NOP2: variants seen among roughly 807,000 people sequenced by gnomAD.
NOP2 encodes the protein 28S rRNA (cytosine(4447)-C(5))-methyltransferase.
In NOP2, 7 loss-of-function variants were observed where a neutral mutation model predicts 72.7. That is an observed-to-expected ratio of 0.10 (90% CI 0.05 to 0.18). NOP2 has a LOEUF of 0.18. NOP2 is among the 10% of genes least tolerant of loss of function. The probability of loss-of-function intolerance (pLI) is 1.00; values close to 1 mark genes in which losing one functional copy is unlikely to be tolerated. For missense variants in NOP2, 954 were observed against 1,014.7 expected, an observed-to-expected ratio of 0.94 and a Z score of 0.81; for synonymous variants, 387 against 388.0, an observed-to-expected ratio of 1.00 and a Z score of 0.03.
intron 5 of NOP2, 47 bp downstream of exon 5, chr12:6,566,054 T>C (rs1947770855): frequency 6.7e-7 from 1 of 1,481,560 alleles, no homozygotes; most frequent in Non-Finnish European, 9.3e-7. Flanking sequence ...GGAAAGAAAC[T>C]AAATAGCAAG....
At position 6,563,406 on chromosome 12, in the gene NOP2, T is replaced by G; in HGVS notation, c.797A>C (p.Tyr266Ser). ...CAGATCCTTCTTGAGCCGGTTCAGG[T>G]ATTCAGAACGAGACCGCCCTTCCTC... ...QREEGRSRSE[Y>S]LNRLKKDLAI... is the part of the protein sequence containing the mutation. Residue 266 changes from tyrosine to serine, a missense_variant, in exon 8 of 16, where the codon TAC (tyrosine) becomes TCC (serine). Coordinates refer to ENST00000322166, the MANE Select transcript of NOP2 (RefSeq NM_001258308.2). The G allele has an allele frequency of 6.2e-7, 1 of 1,607,302 alleles. No homozygotes were observed. Among genetic ancestry groups the G allele is most frequent in the South Asian group, 1.1e-5 (1 of 89,592 alleles).
chr12:6,560,054 G>A lies in NOP2; in HGVS notation c.1789+44C>T, dbSNP rs1947603071. The A allele has an allele frequency of 6.9e-7, 1 of 1,441,400 alleles. No homozygotes were observed. The highest frequency in any genetic ancestry group is 1.4e-5 in the African/African-American group (1 of 71,236). The allele number at this position is 1,441,400 out of a possible 1,614,324, so 89.3% of individuals were successfully genotyped here. On this transcript the variant is annotated intron_variant, in intron 15 of 15. Transcript: ENST00000322166. This position sits in a 1 kb window ranked among gnomAD's most constrained non-coding sequence, Gnocchi z 5.0. ...ACACCATAAAGCCTCCTGAAAGGTG[G>A]AAAGAGCAAAGGTGGTGACGAAGGG...
At chr12:6,562,628 C>T (rs1947679524) in intron 9 of NOP2, among the ~76,000 whole-genome samples, 1 of 152,196 alleles carries the variant, frequency 6.6e-6, no homozygotes, top group South Asian at 2.1e-4. Flanking sequence ...GGTTATACCA[C>T]ATTACATTAT....
intron 5 of NOP2, among the ~76,000 whole-genome samples, chr12:6,564,743 T>G (rs1947735664): frequency 6.6e-6 from 1 of 151,916 alleles, no homozygotes; most frequent in African/African-American, 2.4e-5. Flanking sequence ...TTGTCGTTTT[T>G]TTTTTTTTTT....
chr12:6,563,199 G>A, intron 8 of NOP2, 29 bp from the exon 9 acceptor site: 1 of 1,567,050 alleles, frequency 6.4e-7, no homozygotes, highest in Non-Finnish European at 8.7e-7. Context: ...GGGAATAAGT[G>A]AGGCTGGCTA....
chr12:6,561,340 G>T (rs980955496), intron 11 of NOP2, among the ~76,000 whole-genome samples: 2 of 152,202 alleles, frequency 1.3e-5, no homozygotes, highest in African/African-American at 4.8e-5. Context: ...CTTAATAAAA[G>T]TTATGGCTGC....
Position 6,563,083 on chromosome 12 carries a change from G to C in NOP2, c.976C>G (p.Gln326Glu), listed in dbSNP as rs2136173731. ...GAGCCTCAAAGGCCACCCCTCACCT[G>C]TGCAAGGTCTCGGCGTCGGGTTTTC... is the stretch of plus-strand genomic sequence containing the variant. Reference protein sequence around the residue: ...TLKTRRRDLAQALINRGVNLD... With the variant: ...TLKTRRRDLAEALINRGVNLD... Residue 326 changes from glutamine (Q) to glutamate (E), a missense_variant and splice_region_variant, in exon 9 of 16, where the codon CAG becomes GAG. Physicochemically the swap from Gln to Glu is conservative, Grantham distance 29. Around this residue, in one of 3 missense-constraint regions of NOP2, gnomAD observed 498 missense variants for 478.3 expected, o/e 1.04. Transcript: ENST00000322166. The C allele has an allele frequency of 6.3e-7, 1 of 1,581,868 alleles. No individual in the cohort carries two copies. The highest frequency in any genetic ancestry group is 8.6e-7 in the Non-Finnish European group (1 of 1,163,928).
At chr12:6,558,906 T>C (rs1947576141) in intron 15 of NOP2, among the ~76,000 whole-genome samples, 1 of 152,178 alleles carries the variant, frequency 6.6e-6, no homozygotes, top group Non-Finnish European at 1.5e-5. Flanking sequence ...CCATGTGAAT[T>C]GTGATGAAGT....
chr12:6,557,260 G>C lies in NOP2; in HGVS notation c.2172C>G (p.Asp724Glu). The C allele has an allele frequency of 6.2e-7, 1 of 1,614,052 alleles. No individual in the cohort carries two copies. Among genetic ancestry groups the C allele is most frequent in the East Asian group, 2.2e-5 (1 of 44,880 alleles). ...GGGATAACACAGCCGGTGTTTGTGT[G>C]TCTGTGCCCTTGGGAGGGGCATTCT... ...LRQNAPPKGTDTQTPAVLSPS... is the reference protein window; with the variant it reads ...LRQNAPPKGTETQTPAVLSPS... The change falls in exon 16 of 16, where the codon GAC becomes GAG. Residue 724 changes from aspartate (D) to glutamate (E), a missense_variant. Physicochemically the swap from Asp to Glu is conservative, Grantham distance 45 (BLOSUM62 2). This residue lies in a region of NOP2 where 269 missense variants were observed against 260.2 expected (regional missense o/e 1.03). Coordinates refer to ENST00000322166, the MANE Select transcript of NOP2 (RefSeq NM_001258308.2).
chr12:6,560,475 T>C lies in NOP2; in HGVS notation c.1532A>G (p.Tyr511Cys), dbSNP rs1172558920. The change falls in exon 14 of 16, where the codon TAC becomes TGC. Residue 511 changes from tyrosine to cysteine, a missense_variant. Coordinates refer to ENST00000322166, the MANE Select transcript of NOP2 (RefSeq NM_001258308.2). The surrounding 1 kb of genome is among the most constrained non-coding windows in gnomAD (Gnocchi z 5.0). ...SVNATSKTGG[Y>C]LVYCTCSITV... The stretch of plus-strand genomic sequence containing the variant: ...GATAGAACAGGTGCAGTAAACCAGG[T>C]AGCCTCCTGTCTTGGAGGTCGCATT... 1 of 1,602,044 alleles carries C rather than the reference T, an allele frequency of 6.2e-7. No individual in the cohort carries two copies. Among genetic ancestry groups the C allele is most frequent in the African/African-American group, 1.3e-5 (1 of 74,118 alleles).
chr12:6,559,051 A>G (rs964025322), intron 15 of NOP2, among the ~76,000 whole-genome samples: 2 of 151,982 alleles, frequency 1.3e-5, no homozygotes, highest in African/African-American at 4.8e-5. Flanking sequence ...TCCACCTCCC[A>G]GGTTCAAGTG....
intron 5 of NOP2, among the ~76,000 whole-genome samples, chr12:6,565,655 T>G (rs1320634410): frequency 6.6e-6 from 1 of 151,916 alleles, no homozygotes; most frequent in African/African-American, 2.4e-5. Context: ...TTTAATTTTT[T>G]GTAGATACGG....
At chr12:6,562,186 C>T (rs1947670094) in intron 9 of NOP2, among the ~76,000 whole-genome samples, 1 of 152,032 alleles carries the variant, frequency 6.6e-6, no homozygotes, top group African/African-American at 2.4e-5. Flanking sequence ...GATGGGGTTT[C>T]ACCATGTTGG....
rs1292428648 is a variant in NOP2, at chr12:6,557,157, G to A, written c.2275C>T (p.Gln759Ter). The part of the protein sequence containing the change: ...LGRAKGVEKQ[Q>*]LPEQPFEKAA... Reference sequence around the variant, plus strand: ...TTCTCAAAAGGCTGCTCTGGCAACTGCTGCTTCTCAACCCCCTTGGCCCTT... The same window carrying A: ...TTCTCAAAAGGCTGCTCTGGCAACTACTGCTTCTCAACCCCCTTGGCCCTT... Residue 759 changes from glutamine (Q) to a stop codon, truncating the protein, a stop_gained, in exon 16 of 16, where the codon CAG becomes TAG. Transcript: ENST00000322166. LOFTEE classifies it low-confidence loss of function (END_TRUNC). 1 of 1,614,032 alleles carries A rather than the reference G, an allele frequency of 6.2e-7. No homozygotes were observed. The highest frequency in any genetic ancestry group is 8.5e-7 in the Non-Finnish European group (1 of 1,179,902).
At position 6,560,861 on chromosome 12, in the gene NOP2, A is replaced by C; in HGVS notation, c.1347+70T>G. The C allele has an allele frequency of 1.2e-6, 2 of 1,610,406 alleles. No homozygotes were observed. The highest frequency in any genetic ancestry group is 1.7e-6 in the Non-Finnish European group (2 of 1,178,020). ...GGCAATATTTACTAGGGTCGAGTCT[A>C]AACATTGAGGTCAGGAAGGGAGAAG... On this transcript the variant is annotated intron_variant, in intron 12 of 15. Transcript: ENST00000322166. This position sits in a 1 kb window ranked among gnomAD's most constrained non-coding sequence, Gnocchi z 5.0.
chr12:6,557,404 G>A lies in NOP2; in HGVS notation c.2028C>T (p.Phe676=). ...SVTKTQASSS[F]QDSSQPAGKA... ...TTCCAGCTGGCTGACTGCTATCCTG[G>A]AAGCTGGAGGAAGCTTGGGTCTTTG... is the stretch of plus-strand genomic sequence containing the variant. Residue 676 remains phenylalanine, a synonymous_variant, in exon 16 of 16, where the codon TTC becomes TTT. Coordinates refer to ENST00000322166, the MANE Select transcript of NOP2 (RefSeq NM_001258308.2). The A allele has an allele frequency of 6.2e-7, 1 of 1,614,046 alleles. No individual in the cohort carries two copies. The highest frequency in any genetic ancestry group is 8.5e-7 in the Non-Finnish European group (1 of 1,179,908).
In NOP2 at chr12:6,561,871, G is replaced by C; in HGVS notation, c.1066+13C>G. ...GACAGAGGTAGAAGGGCTCTTGGGT[G>C]GGGGAGACTTACCAATGGGCACAGA... On this transcript the variant is annotated intron_variant, in intron 10 of 15. Transcript: ENST00000322166. The C allele has an allele frequency of 1.2e-6, 2 of 1,609,862 alleles. No individual in the cohort carries two copies. Among genetic ancestry groups the C allele is most frequent in the South Asian group, 1.1e-5 (1 of 90,074 alleles).
chr12:6,559,075 A>G (rs1947579835), intron 15 of NOP2, among the ~76,000 whole-genome samples: 1 of 151,874 alleles, frequency 6.6e-6, no homozygotes, highest in Admixed American at 6.6e-5. Flanking sequence ...CTCCTGCCTC[A>G]GCCTCCTGAG....
At chr12:6,563,843 C>T (rs768450832) in intron 6 of NOP2, 48 bp downstream of exon 6, 16 of 1,613,218 alleles carry the variant, frequency 9.9e-6, no homozygotes, top group Middle Eastern at 1.6e-4. Context: ...ACAGCTTCCC[C>T]ACCCCAGTGG....
Sources: gnomAD v4.1 joint callset for allele counts (sites outside exome capture counted in the v4.1 genomes callset) on GRCh38, gnomAD v4.1.1 for gene constraint, gnomAD v4.1.1 regional missense constraint, Gnocchi (gnomAD v3.1) non-coding constraint, MANE v1.5 for transcripts, NCBI Gene and HGNC (gene_info 2026-07-23, HGNC 2026-07-21) for gene names.